The following CTNNA2 variants were observed in gnomAD, a reference collection of about 807,000 sequenced individuals.
CTNNA2 encodes the protein catenin alpha-2.
A neutral mutation model predicts 101.0 loss-of-function variants in CTNNA2; 42 were observed. The observed-to-expected ratio is 0.42, with a 90% CI of 0.32 to 0.54. The LOEUF is 0.54. Ranked by LOEUF, CTNNA2 falls within the 20% of genes least tolerant of loss-of-function variation. The pLI is 0.14. For missense variants in CTNNA2, 871 were observed against 1,223.1 expected (o/e 0.71, Z 4.29); for synonymous variants, 450 against 456.4 (o/e 0.99, Z 0.18).
intron 7 of CTNNA2, among the ~76,000 whole-genome samples, chr2:79,981,607 G>A (rs1421534319): frequency 6.6e-6 from 1 of 152,032 alleles, no homozygotes; most frequent in African/African-American, 2.4e-5. Flanking sequence ...TGGAAAACAC[G>A]GCCACAGTAC....
At chr2:79,724,726 A>G (rs1686710002) in intron 2 of CTNNA2, among the ~76,000 whole-genome samples, 1 of 148,992 alleles carries the variant, frequency 6.7e-6, no homozygotes, top group African/African-American at 2.5e-5. Context: ...GAGGCAGGAG[A>G]ATGGCGTGAA....
intron 4 of CTNNA2, among the ~76,000 whole-genome samples, chr2:79,388,113 T>C (rs1378728533): frequency 6.6e-6 from 1 of 152,208 alleles, no homozygotes; most frequent in Admixed American, 6.5e-5. Context: ...ATTGAGGAGA[T>C]ATTTCTGCTA....
At chr2:79,467,672 G>A (rs865948888) in intron 4 of CTNNA2, among the ~76,000 whole-genome samples, 25 of 152,280 alleles carry the variant, frequency 1.6e-4, no homozygotes, top group Admixed American at 3.9e-4. Flanking sequence ...GACTAAGAGC[G>A]GATCTCTCAG....
chr2:79,976,704 A>AGTATATATATCCAAAATGG, intron 7 of CTNNA2, among the ~76,000 whole-genome samples: 1 of 152,202 alleles, frequency 6.6e-6, no homozygotes, highest in Non-Finnish European at 1.5e-5. Flanking sequence ...TGAGAAATTT[A>AGTATATATATCCAAAATGG]ATACGTTCTT....
chr2:79,242,936 C>T (rs1674645603), intron 2 of CTNNA2, among the ~76,000 whole-genome samples: 1 of 148,840 alleles, frequency 6.7e-6, no homozygotes, highest in African/African-American at 2.5e-5. Context: ...CACTGTACTC[C>T]AGTCTGAGCA....
At chr2:79,195,173 T>G (rs1001137109) in intron 1 of CTNNA2, among the ~76,000 whole-genome samples, 1 of 152,112 alleles carries the variant, frequency 6.6e-6, no homozygotes, top group African/African-American at 2.4e-5. Flanking sequence ...AGACCTTCTG[T>G]TCTTTCTATT....
rs192634736 is a variant in CTNNA2, at chr2:79,381,944, A to G, written c.-135+7931A>G. On this transcript the variant is annotated intron_variant, in intron 4 of 21. Transcript: ENST00000466387. ...GCGTGATTGCTAATTTAATGTGTCA[A>G]CTTGGCTGGGCTAAGGGATACTTAG... Among the ~76,000 whole-genome samples, 45 of 152,332 alleles carry G rather than the reference A, an allele frequency of 3.0e-4. No homozygotes were observed. The East Asian group carries it at 7.1e-3, about 24-fold the overall frequency.
chr2:80,192,682 T>C (rs1156339854), intron 7 of CTNNA2, among the ~76,000 whole-genome samples: 3 of 151,994 alleles, frequency 2.0e-5, no homozygotes, highest in African/African-American at 7.2e-5. Flanking sequence ...CTAGCCACAT[T>C]TTTTGTATTT....
chr2:79,892,175 T>C (rs1162464339), intron 6 of CTNNA2, among the ~76,000 whole-genome samples: 1 of 152,150 alleles, frequency 6.6e-6, no homozygotes, highest in Non-Finnish European at 1.5e-5. Context: ...ATACAGACAC[T>C]TCAGAGAATA....
chr2:80,006,455 C>A (rs1258153537), intron 7 of CTNNA2, among the ~76,000 whole-genome samples: 1 of 151,878 alleles, frequency 6.6e-6, no homozygotes. Context: ...AGTTGTGCTT[C>A]AAGTCACAAC....
intron 9 of CTNNA2, among the ~76,000 whole-genome samples, chr2:80,487,643 G>T (rs1458734815): frequency 6.6e-6 from 1 of 152,090 alleles, no homozygotes; most frequent in East Asian, 1.9e-4. Context: ...TGACACATGG[G>T]GATTATGGGA....
chr2:79,632,818 A>G lies in CTNNA2; in HGVS notation c.-5-18734A>G, dbSNP rs79466150. 7.3e-3 allele frequency among the ~76,000 whole-genome samples: 1,111 copies of G among 152,332 alleles called. 22 individuals are homozygous for G. The highest frequency in any genetic ancestry group is 0.024 in the African/African-American group (1,006 of 41,586). On this transcript the variant is annotated intron_variant, in intron 1 of 18. Coordinates refer to ENST00000402739, the MANE Select transcript of CTNNA2 (RefSeq NM_001282597.3). ...TGAAATCCACTGATACAGAATAGGA[A>G]CCAGCACAATTTTTCTGTAGAGGTG...
intron 2 of CTNNA2, among the ~76,000 whole-genome samples, chr2:79,668,016 G>A (rs925930270): frequency 7.4e-4 from 112 of 150,910 alleles, no homozygotes; most frequent in African/African-American, 2.7e-3. Context: ...CGAGGCGGGT[G>A]GATCATGAGG....
rs912529986 is a variant in CTNNA2, at chr2:80,028,425, A to T, written c.1056+118628A>T. 7 of 152,224 alleles carry T rather than the reference A, an allele frequency of 4.6e-5. No homozygotes were observed. In the East Asian group the frequency reaches 9.6e-4, roughly 21 times the overall value. The allele number at this position is 152,224 out of a possible 1,614,324, so 9.4% of individuals were successfully genotyped here. On this transcript the variant is annotated intron_variant, in intron 7 of 18. Coordinates refer to ENST00000402739, the MANE Select transcript of CTNNA2 (RefSeq NM_001282597.3). ...AAAAATCACAACACAAACTTCAAAC[A>T]TGGAGAGCTTTTAGAGCACTGAATT...
chr2:80,466,657 A>G (rs888734714), intron 9 of CTNNA2, among the ~76,000 whole-genome samples: 4 of 152,228 alleles, frequency 2.6e-5, no homozygotes, highest in Non-Finnish European at 5.9e-5. Flanking sequence ...ACAGATGGAA[A>G]AACTACATTT....
chr2:79,774,520 G>T (rs144323038), intron 3 of CTNNA2, among the ~76,000 whole-genome samples: 44 of 152,248 alleles, frequency 2.9e-4, no homozygotes, highest in African/African-American at 1.1e-3. Context: ...GACACTCTGG[G>T]CCAGGAGTGG....
intron 9 of CTNNA2, 103 bp from the exon 10 acceptor site, chr2:80,544,879 A>G: frequency 1.1e-6 from 1 of 921,702 alleles, no homozygotes; most frequent in South Asian, 1.8e-5. Flanking sequence ...TTCTGAAAGA[A>G]TTCTCCTGGA....
At chr2:80,014,522 A>G (rs1438812906) in intron 7 of CTNNA2, among the ~76,000 whole-genome samples, 1 of 152,124 alleles carries the variant, frequency 6.6e-6, no homozygotes, top group African/African-American at 2.4e-5. Flanking sequence ...GATCCTCACC[A>G]AAGTTTTTGA....
At position 79,851,781 on chromosome 2, in the gene CTNNA2, G is replaced by A. The variant is rs144866225; in HGVS notation, c.299-6232G>A. On this transcript the variant is annotated intron_variant, in intron 3 of 18. Coordinates refer to ENST00000402739, the MANE Select transcript of CTNNA2 (RefSeq NM_001282597.3). ...TTTTGAGACAGAATCTCACTCTGTCGCCTAGACTGCAGTGCAATGGTATGA... is the reference window on the plus strand; with the variant it reads ...TTTTGAGACAGAATCTCACTCTGTCACCTAGACTGCAGTGCAATGGTATGA... 4.9e-3 allele frequency among the ~76,000 whole-genome samples: 526 copies of A among 107,186 alleles called. 3 individuals are homozygous for A. The highest frequency in any genetic ancestry group is 6.3e-3 in the Non-Finnish European group (374 of 59,506). The allele number at this position is 107,186 out of a possible 152,430, so 70.3% of individuals were successfully genotyped here.
Sources: gnomAD v4.1 joint callset for allele counts (sites outside exome capture counted in the v4.1 genomes callset) on GRCh38, gnomAD v4.1.1 for gene constraint, MANE v1.5 for transcripts, NCBI Gene and HGNC (gene_info 2026-07-23, HGNC 2026-07-21) for gene names.